Variants in EIF2AK4 observed in about 807,000 individuals in gnomAD.
EIF2AK4 encodes eIF-2-alpha kinase GCN2.
Under a neutral mutation model 211.1 loss-of-function variants are expected in EIF2AK4, and 139 were observed. That is an observed-to-expected ratio of 0.66 (90% CI 0.57 to 0.76). The LOEUF (loss-of-function observed/expected upper bound fraction) is 0.76, where lower values mean the gene tolerates loss of function less well. EIF2AK4 is among the 30% of genes least tolerant of loss of function. The probability of loss-of-function intolerance (pLI) is 0.00; values close to 1 mark genes in which losing one functional copy is unlikely to be tolerated. For missense variants in EIF2AK4, 1,664 were observed against 2,043.8 expected (o/e 0.81, Z 3.58); for synonymous variants, 710 against 751.3 (o/e 0.94, Z 0.90).
chr15:39,939,568 T>TATGTAAA lies in EIF2AK4; in HGVS notation c.210_216dup (p.Val73CysfsTer8). The TATGTAAA allele has an allele frequency of 6.2e-7, 1 of 1,613,156 alleles. No individual in the cohort carries two copies. The highest frequency in any genetic ancestry group is 8.5e-7 in the Non-Finnish European group (1 of 1,179,430). ...TCAAGGCCTAACTGGTGAAGAAGTA[T>TATGTAAA]ATGTAAAAGTGGATTTGAGGGTTAA... On this transcript the variant is annotated frameshift_variant, in exon 2 of 39. Coordinates refer to ENST00000263791, the MANE Select transcript of EIF2AK4 (RefSeq NM_001013703.4). LOFTEE classifies it high-confidence loss of function.
intron 9 of EIF2AK4, 103 bp downstream of exon 9, chr15:39,967,982 G>A (rs2034569017): frequency 1.2e-5 from 14 of 1,188,406 alleles, no homozygotes; most frequent in South Asian, 4.5e-5. Context: ...GAGAAGTGAG[G>A]AACAGGACTT....
chr15:40,035,067 T>C lies in EIF2AK4; in HGVS notation c.4933T>C (p.Tyr1645His), dbSNP rs771536699. 8.8e-6 allele frequency: 14 copies of C among 1,583,664 alleles called. No homozygotes were observed. The highest frequency in any genetic ancestry group is 1.2e-5 in the Non-Finnish European group (14 of 1,165,310). ...TCTGTACAGCTATAGAGATGACTAC[T>C]ACAGAATCTTATTTTAACCCTAAAG... ...LFLYSYRDDYYRILF is the reference protein window; with the variant it reads ...LFLYSYRDDYHRILF The change falls in exon 39 of 39, where the codon TAC becomes CAC. Residue 1645 changes from tyrosine (Y) to histidine (H), a missense_variant. Physicochemically the swap from Tyr to His is moderately conservative, Grantham distance 83. Around this residue, in one of 7 missense-constraint regions of EIF2AK4, gnomAD observed 138 missense variants for 165.1 expected, o/e 0.84. Coordinates refer to ENST00000263791, the MANE Select transcript of EIF2AK4 (RefSeq NM_001013703.4).
chr15:40,003,431 G>A, intron 23 of EIF2AK4, 117 bp downstream of exon 23: 1 of 1,449,904 alleles, frequency 6.9e-7, no homozygotes, highest in Non-Finnish European at 9.2e-7. Context: ...TTTGGGAAAT[G>A]TATTCTTGAG....
At chr15:40,011,022 G>A (rs1410934950) in intron 26 of EIF2AK4, among the ~76,000 whole-genome samples, 2 of 152,172 alleles carry the variant, frequency 1.3e-5, no homozygotes, top group Non-Finnish European at 2.9e-5. Context: ...CCAGATTTGG[G>A]TCACCTCACC....
At chr15:39,996,853 T>C (rs1283859405) in intron 18 of EIF2AK4, 111 bp from the exon 19 acceptor site, 1 of 754,188 alleles carries the variant, frequency 1.3e-6, no homozygotes, top group Non-Finnish European at 2.3e-6. Context: ...GTGTGACCTG[T>C]TTTGTACTCC....
chr15:39,987,169 C>T (rs1388664093), intron 14 of EIF2AK4, among the ~76,000 whole-genome samples: 3 of 152,198 alleles, frequency 2.0e-5, no homozygotes, highest in African/African-American at 7.2e-5. Flanking sequence ...CTATTATATT[C>T]CATTACCTTC....
chr15:39,988,571 G>C (rs1463613363), intron 15 of EIF2AK4, among the ~76,000 whole-genome samples: 1 of 152,182 alleles, frequency 6.6e-6, no homozygotes, highest in Non-Finnish European at 1.5e-5. Context: ...CATACCAGCA[G>C]ATTTGAGTAG....
At position 39,973,757 on chromosome 15, in the gene EIF2AK4, A is replaced by G. The variant is rs371980186; in HGVS notation, c.1818+8A>G. 2 of 1,614,026 alleles carry G rather than the reference A, an allele frequency of 1.2e-6. No homozygotes were observed. Among genetic ancestry groups the G allele is most frequent in the East Asian group, 2.2e-5 (1 of 44,880 alleles). ...TTTGGAGCTGTCATCAAGGTGTGGT[A>G]CAGAGTCATTCCCAGTCCCCTTTAG... On this transcript the variant is annotated splice_region_variant and intron_variant, in intron 11 of 38. Transcript: ENST00000263791.
At chr15:40,004,729 T>A (rs929441721) in intron 23 of EIF2AK4, among the ~76,000 whole-genome samples, 8 of 152,126 alleles carry the variant, frequency 5.3e-5, no homozygotes, top group Middle Eastern at 3.2e-3. Flanking sequence ...TTTAAAAATT[T>A]TTTTTTGTAG....
intron 12 of EIF2AK4, chr15:39,977,086 A>G (rs2140919110): frequency 2.4e-6 from 1 of 414,036 alleles, no homozygotes; most frequent in Non-Finnish European, 4.2e-6. Flanking sequence ...AGTCCAAGCC[A>G]GGGAAAAGGG....
intron 29 of EIF2AK4, among the ~76,000 whole-genome samples, chr15:40,018,552 C>T (rs891974351): frequency 2.0e-5 from 3 of 152,040 alleles, no homozygotes; most frequent in African/African-American, 7.2e-5. Flanking sequence ...ACACTCCTGG[C>T]TGCAAGCAAT....
chr15:40,016,863 G>GTTCCTATCATGAAGCAGTTC (rs1223584701), intron 28 of EIF2AK4, among the ~76,000 whole-genome samples, 191 bp downstream of exon 28: 1 of 152,210 alleles, frequency 6.6e-6, no homozygotes, highest in Non-Finnish European at 1.5e-5. Context: ...AAGTGCCACT[G>GTTCCTATCATGAAGCAGTTC]TTCCTATCAT....
chr15:39,945,014 A>G (rs1689608), intron 3 of EIF2AK4, among the ~76,000 whole-genome samples: 144,559 of 152,192 alleles, frequency 0.95, 68,966 homozygotes, highest in East Asian at 1. Flanking sequence ...TAGGCCTTGG[A>G]AATGATTCCA....
In EIF2AK4 at chr15:39,972,923, T is replaced by A; in HGVS notation, c.1569T>A (p.Asp523Glu). The change falls in exon 10 of 39, where the codon GAT becomes GAA. Residue 523 changes from aspartate (D) to glutamate (E), a missense_variant. This residue lies in a region of EIF2AK4 where 641 missense variants were observed against 729.6 expected (regional missense o/e 0.88). Coordinates refer to ENST00000263791, the MANE Select transcript of EIF2AK4 (RefSeq NM_001013703.4). The part of the protein sequence containing the change: ...QDFLKKCVCL[D>E]DKERWSPQQL... ...TCTCACCGAGATGTGTGTGCTTGGA[T>A]GACAAGGAAAGATGGAGTCCCCAGC... 6.2e-7 allele frequency: 1 copy of A among 1,613,998 alleles called. No homozygotes were observed. The highest frequency in any genetic ancestry group is 8.5e-7 in the Non-Finnish European group (1 of 1,179,962).
chr15:39,956,735 G>A (rs1295116431), intron 6 of EIF2AK4, among the ~76,000 whole-genome samples: 1 of 152,342 alleles, frequency 6.6e-6, no homozygotes, highest in East Asian at 1.9e-4. Flanking sequence ...TTATTAAATA[G>A]TGTAGGGACT....
intron 8 of EIF2AK4, among the ~76,000 whole-genome samples, chr15:39,966,139 G>A (rs2034540599): frequency 6.6e-6 from 1 of 152,036 alleles, no homozygotes; most frequent in Non-Finnish European, 1.5e-5. Context: ...GTTCATAATT[G>A]GGTTTTTTTG....
chr15:40,006,711 A>T (rs200652612), intron 23 of EIF2AK4, among the ~76,000 whole-genome samples: 1 of 152,368 alleles, frequency 6.6e-6, no homozygotes, highest in East Asian at 1.9e-4. Context: ...TTAGTTGGAC[A>T]TAATAAAAGC....
At chr15:40,029,490 CATA>C (rs1203996923) in intron 34 of EIF2AK4, 26 bp downstream of exon 34, 6 of 1,606,234 alleles carry the variant, frequency 3.7e-6, no homozygotes, top group Non-Finnish European at 4.3e-6. Flanking sequence ...ATAATCTGAA[CATA>C]ATGATGCTTA....
chr15:40,005,239 A>C lies in EIF2AK4; in HGVS notation c.3358-1777A>C, dbSNP rs1423121000. Among the ~76,000 whole-genome samples the C allele has an allele frequency of 2.0e-5, 3 of 152,352 alleles. 1 individual carries two copies. Among genetic ancestry groups the C allele is most frequent in the Admixed American group, 2.0e-4 (3 of 15,298 alleles). ...ACCAATTTCTGAGGGACAACTATAC[A>C]TATTTAGATATAGCCATATTTATAC... On this transcript the variant is annotated intron_variant, in intron 23 of 38. Coordinates refer to ENST00000263791, the MANE Select transcript of EIF2AK4 (RefSeq NM_001013703.4).
Sources: gnomAD v4.1 joint callset for allele counts (sites outside exome capture counted in the v4.1 genomes callset) on GRCh38, gnomAD v4.1.1 for gene constraint, gnomAD v4.1.1 regional missense constraint, MANE v1.5 for transcripts, NCBI Gene and HGNC (gene_info 2026-07-23, HGNC 2026-07-21) for gene names.